Variants in PLSCR2 observed in about 807,000 individuals in gnomAD.
PLSCR2 encodes the protein phospholipid scramblase 2.
A neutral mutation model predicts 25.3 loss-of-function variants in PLSCR2; 18 were observed. The observed-to-expected ratio is 0.71, with a 90% CI of 0.49 to 1.06. The LOEUF (loss-of-function observed/expected upper bound fraction) is 1.06. Among genes scored for constraint, PLSCR2 ranks in the 50% least tolerant of loss-of-function variants. The probability of loss-of-function intolerance (pLI) is 0.00; values close to 1 mark genes in which losing one functional copy is unlikely to be tolerated. For synonymous variants in PLSCR2, 88 were observed against 87.3 expected (o/e 1.01, Z -0.04); for missense variants, 243 against 269.5 (o/e 0.90, Z 0.69).
At chr3:146,447,532 T>C (rs1374673694) in intron 6 of PLSCR2, among the ~76,000 whole-genome samples, 1 of 152,100 alleles carries the variant, frequency 6.6e-6, no homozygotes, top group Non-Finnish European at 1.5e-5. Flanking sequence ...AGGACTCTGT[T>C]TAGTGTCCTA....
chr3:146,458,733 C>G (rs1200811285), intron 2 of PLSCR2, among the ~76,000 whole-genome samples: 3 of 151,888 alleles, frequency 2.0e-5, no homozygotes, highest in Non-Finnish European at 4.4e-5. Context: ...CAATGTTCTT[C>G]CTAAATGAGG....
At chr3:146,449,516 T>C (rs1213965632) in intron 5 of PLSCR2, 149 bp from the exon 6 acceptor site, 1 of 488,544 alleles carries the variant, frequency 2.0e-6, no homozygotes, top group Non-Finnish European at 3.5e-6. Context: ...TAGATGCATA[T>C]AGGCTCCTGT....
upstream of PLSCR2, among the ~76,000 whole-genome samples, chr3:146,464,494 G>C (rs989725757): frequency 1.5e-4 from 23 of 152,232 alleles, no homozygotes; most frequent in African/African-American, 5.3e-4. Flanking sequence ...TTAAATCATT[G>C]CTTCCACCAC....
intron 2 of PLSCR2, among the ~76,000 whole-genome samples, chr3:146,419,218 CT>C (rs1199188391): frequency 6.6e-6 from 1 of 152,074 alleles, no homozygotes; most frequent in East Asian, 1.9e-4. Context: ...TCAAATTTAT[CT>C]TTCAAAATAA....
upstream of PLSCR2, chr3:146,461,865 T>C (rs1270880388): frequency 1.6e-6 from 2 of 1,275,796 alleles, no homozygotes; most frequent in Non-Finnish European, 2.2e-6. Flanking sequence ...GTGAGTTCCA[T>C]GATCTCATAT....
intron 2 of PLSCR2, among the ~76,000 whole-genome samples, chr3:146,400,393 C>A (rs1490323941): frequency 6.6e-6 from 1 of 151,068 alleles, no homozygotes; most frequent in East Asian, 1.9e-4. Context: ...ATAATTGTAT[C>A]TAGAAATATA....
At position 146,470,680 on chromosome 3, in the gene PLSCR2, A is replaced by G. The variant is rs1357208553; in HGVS notation, c.-292-10396T>C. On this transcript the variant is annotated intron_variant, in intron 1 of 8. Coordinates refer to the PLSCR2 transcript ENST00000336685. ...AACCAAGGTTGACACAAACATTTGA[A>G]GACACACTAAGAGAGGTGGGGGGAG... is the stretch of plus-strand genomic sequence containing the variant. Among the ~76,000 whole-genome samples the G allele has an allele frequency of 4.6e-5, 7 of 152,176 alleles. No individual in the cohort carries two copies. The South Asian group carries it at 8.3e-4, about 18-fold the overall frequency.
At chr3:146,409,276 G>C (rs1185394054) in intron 2 of PLSCR2, among the ~76,000 whole-genome samples, 3 of 152,128 alleles carry the variant, frequency 2.0e-5, no homozygotes, top group African/African-American at 7.2e-5. Flanking sequence ...CCCACAGGGG[G>C]TGTCATCGAG....
chr3:146,453,160 C>A lies in PLSCR2; in HGVS notation c.483+842G>T, dbSNP rs73865724. Among the ~76,000 whole-genome samples the A allele has an allele frequency of 3.8e-3, 573 of 152,052 alleles. 5 individuals are homozygous for A. The highest frequency in any genetic ancestry group is 0.012 in the African/African-American group (516 of 41,496). Reference sequence around the variant, plus strand: ...TATTATTAGAGAAGGAAGGATGCAACAGAATGAAACTGGATAGTGCTAAAC... The same window carrying A: ...TATTATTAGAGAAGGAAGGATGCAAAAGAATGAAACTGGATAGTGCTAAAC... On this transcript the variant is annotated intron_variant, in intron 5 of 6. Coordinates refer to ENST00000610787, the Ensembl canonical transcript of PLSCR2.
At chr3:146,459,964 C>G (rs1322965107) in exon 2 of PLSCR2, 1 of 1,614,112 alleles carries the variant, frequency 6.2e-7, no homozygotes, top group East Asian at 2.2e-5. Flanking sequence ...GCTGTGCCAG[C>G]AGGTGGGACT....
chr3:146,492,562 T>A (rs1402051724), intron 1 of PLSCR2, among the ~76,000 whole-genome samples: 1 of 152,014 alleles, frequency 6.6e-6, no homozygotes, highest in Non-Finnish European at 1.5e-5. Context: ...GGGTAAAGAA[T>A]AAAATTAAGT....
At chr3:146,455,169 C>A in intron 4 of PLSCR2, 70 bp downstream of exon 4, 1 of 996,194 alleles carries the variant, frequency 1.0e-6, no homozygotes. Context: ...TTTGATTATA[C>A]AGATTCAATA....
At chr3:146,483,001 G>A (rs147749669) in intron 1 of PLSCR2, among the ~76,000 whole-genome samples, 187 of 151,314 alleles carry the variant, frequency 1.2e-3, no homozygotes, top group African/African-American at 4.4e-3. Context: ...CATAGTGTTG[G>A]AAGTTCTGGC....
intron 1 of PLSCR2, among the ~76,000 whole-genome samples, chr3:146,483,479 G>GTATATATATATATATATATACATGTGTA (rs2043221129): frequency 1.8e-5 from 1 of 54,822 alleles, no homozygotes; most frequent in Non-Finnish European, 3.2e-5. Flanking sequence ...ATATACATGT[G>GTATATATATATATATATATACATGTGTA]TATATATATA....
chr3:146,494,681 T>G (rs917659199), intron 1 of PLSCR2: 5 of 152,190 alleles, frequency 3.3e-5, no homozygotes, highest in Non-Finnish European at 5.9e-5. Context: ...CACTCATGGT[T>G]TAAATACTTT....
rs374599789 is a variant in PLSCR2, at chr3:146,454,215, C to A, written c.322-52G>T. 1.6e-4 allele frequency: 199 copies of A among 1,232,920 alleles called. 1 individual carries two copies. Among genetic ancestry groups the A allele is most frequent in the Non-Finnish European group, 1.8e-4 (163 of 892,860 alleles). The allele number at this position is 1,232,920 out of a possible 1,614,324, so 76.4% of individuals were successfully genotyped here. On this transcript the variant is annotated intron_variant, in intron 4 of 6. Transcript: ENST00000610787. ...TAATAAATCATCATAATAAAAATAT[C>A]TAATAATAGCTCTAATTTACTGAGC...
At chr3:146,409,972 C>T (rs2038791238) in intron 2 of PLSCR2, among the ~76,000 whole-genome samples, 1 of 152,076 alleles carries the variant, frequency 6.6e-6, no homozygotes, top group Non-Finnish European at 1.5e-5. Flanking sequence ...AGAGGCCAGC[C>T]CAAGATCTCC....
rs56354966 is a variant in PLSCR2, at chr3:146,394,114, T to G, written c.*145+1646A>C. 9.4e-3 allele frequency among the ~76,000 whole-genome samples: 1,426 copies of G among 152,270 alleles called. 25 individuals are homozygous for G. The highest frequency in any genetic ancestry group is 0.032 in the African/African-American group (1,342 of 41,556). Reference sequence around the variant, plus strand: ...TTTTTTGGAGTCTTAATGTCTTTTTTTTCCCCTGGTATTAATTTAGCTTCC... The same window carrying G: ...TTTTTTGGAGTCTTAATGTCTTTTTGTTCCCCTGGTATTAATTTAGCTTCC... On this transcript the variant is annotated intron_variant and NMD_transcript_variant, in intron 3 of 3. Transcript: ENST00000463633.
intron 1 of PLSCR2, among the ~76,000 whole-genome samples, chr3:146,479,562 C>T (rs949509009): frequency 2.0e-5 from 3 of 152,092 alleles, no homozygotes; most frequent in East Asian, 1.9e-4. Context: ...TATATATGCA[C>T]CCAGTACAGG....
Sources: gnomAD v4.1 joint callset for allele counts (sites outside exome capture counted in the v4.1 genomes callset) on GRCh38, gnomAD v4.1.1 for gene constraint, MANE v1.5 for transcripts, NCBI Gene and HGNC (gene_info 2026-07-23, HGNC 2026-07-21) for gene names.